The following HS3ST4 variants were observed in gnomAD, a reference collection of about 807,000 sequenced individuals.
HS3ST4 encodes the protein heparan sulfate glucosamine 3-O-sulfotransferase 4.
A neutral mutation model predicts 29.2 loss-of-function variants in HS3ST4; 17 were observed. The ratio of observed to expected loss-of-function variants is 0.58; its 90% CI spans 0.40 to 0.87. The LOEUF (loss-of-function observed/expected upper bound fraction) is 0.87, where lower values mean the gene tolerates loss of function less well. HS3ST4 is among the 40% of genes least tolerant of loss of function. The probability of loss-of-function intolerance (pLI) is 0.00; values close to 1 mark genes in which losing one functional copy is unlikely to be tolerated. For synonymous variants in HS3ST4, 314 were observed against 285.7 expected (o/e 1.10, Z -1.00); for missense variants, 627 against 634.5 (o/e 0.99, Z 0.13).
At chr16:25,878,985 C>T (rs960033217) in intron 1 of HS3ST4, among the ~76,000 whole-genome samples, 6 of 152,204 alleles carry the variant, frequency 3.9e-5, no homozygotes, top group African/African-American at 1.4e-4. Context: ...GTTTCCTATG[C>T]CTCTTTCTCA....
chr16:26,069,243 C>A (rs1398896714), intron 1 of HS3ST4, among the ~76,000 whole-genome samples: 1 of 152,246 alleles, frequency 6.6e-6, no homozygotes, highest in African/African-American at 2.4e-5. Context: ...TGAGCCACTG[C>A]ACCCAGCCCA....
chr16:26,030,000 C>T (rs1223123889), intron 1 of HS3ST4, among the ~76,000 whole-genome samples: 3 of 152,338 alleles, frequency 2.0e-5, no homozygotes, highest in East Asian at 1.9e-4. Context: ...CCCCATCGTT[C>T]GCTCTTTGTG....
At chr16:26,040,477 G>A (rs57169856) in intron 1 of HS3ST4, among the ~76,000 whole-genome samples, 2,524 of 151,870 alleles carry the variant, frequency 0.017, 67 homozygotes, top group African/African-American at 0.056. Flanking sequence ...CTAATTTTTT[G>A]TATTTTTAGT....
intron 1 of HS3ST4, among the ~76,000 whole-genome samples, chr16:26,013,708 T>C (rs1201189375): frequency 5.3e-5 from 8 of 152,126 alleles, no homozygotes; most frequent in Admixed American, 5.2e-4. Flanking sequence ...CAAACTACAC[T>C]GTTAAAAAGC....
chr16:25,853,790 A>G (rs140359677), intron 1 of HS3ST4, among the ~76,000 whole-genome samples: 1 of 152,140 alleles, frequency 6.6e-6, no homozygotes, highest in Non-Finnish European at 1.5e-5. Context: ...ATTGATGTTC[A>G]TTAGAAATAT....
chr16:25,733,805 G>C (rs1966588081), intron 1 of HS3ST4, among the ~76,000 whole-genome samples: 1 of 152,138 alleles, frequency 6.6e-6, no homozygotes, highest in African/African-American at 2.4e-5. Flanking sequence ...TGTGAGTTAG[G>C]CTGGATTCTT....
chr16:25,857,896 CTTTCTTCCTTCCTTCCTTCCTTCCTT>C (rs1967591129), intron 1 of HS3ST4, among the ~76,000 whole-genome samples: 2 of 58,870 alleles, frequency 3.4e-5, no homozygotes, highest in African/African-American at 1.3e-4. Flanking sequence ...CTTTCTTTTT[CTTTCTTCCTTCCTTCCTTCCTTCCTT>C]TCTTTCTTTC....
At chr16:25,709,490 C>T (rs1169895488) in intron 1 of HS3ST4, among the ~76,000 whole-genome samples, 2 of 152,116 alleles carry the variant, frequency 1.3e-5, no homozygotes, top group African/African-American at 4.8e-5. Context: ...CTAGACACTC[C>T]TCTGTTCAAA....
intron 1 of HS3ST4, among the ~76,000 whole-genome samples, chr16:25,889,678 A>G (rs945719297): frequency 1.4e-4 from 22 of 152,072 alleles, no homozygotes; most frequent in African/African-American, 5.1e-4. Flanking sequence ...AACATTAGTA[A>G]TGGTCATTTT....
At chr16:25,956,165 T>C (rs2141699439) in intron 1 of HS3ST4, among the ~76,000 whole-genome samples, 1 of 152,302 alleles carries the variant, frequency 6.6e-6, no homozygotes, top group South Asian at 2.1e-4. Flanking sequence ...TAAATTCACC[T>C]GAAATTTAGA....
chr16:25,789,663 C>T (rs1196325161), intron 1 of HS3ST4, among the ~76,000 whole-genome samples: 1 of 151,960 alleles, frequency 6.6e-6, no homozygotes, highest in African/African-American at 2.4e-5. Flanking sequence ...GATGAATTAT[C>T]ACAAAGGGAA....
At chr16:26,108,165 C>A (rs1343223453) in intron 1 of HS3ST4, among the ~76,000 whole-genome samples, 9 of 152,114 alleles carry the variant, frequency 5.9e-5, no homozygotes, top group Non-Finnish European at 1.2e-4. Context: ...TATGGTATCA[C>A]ACTGTGGTTT....
intron 1 of HS3ST4, among the ~76,000 whole-genome samples, chr16:25,722,040 G>A (rs547455878): frequency 2.6e-5 from 4 of 152,130 alleles, no homozygotes; most frequent in Admixed American, 1.3e-4. Context: ...AGAAGATTTC[G>A]ATCCTTTGTT....
chr16:26,075,141 C>T (rs559840785), intron 1 of HS3ST4, among the ~76,000 whole-genome samples: 3 of 152,224 alleles, frequency 2.0e-5, no homozygotes, highest in East Asian at 1.9e-4. Flanking sequence ...TGCAGTGAGC[C>T]GAGGTGGTGC....
Position 25,721,609 on chromosome 16 carries a change from C to T in HS3ST4, c.734+28458C>T, listed in dbSNP as rs1043897983. ...CACACTGAAAATGAAAGCCCGTCAGCGTATTTATGCACAGACAGTTCTTGA... is the reference window on the plus strand; with the variant it reads ...CACACTGAAAATGAAAGCCCGTCAGTGTATTTATGCACAGACAGTTCTTGA... On this transcript the variant is annotated intron_variant, in intron 1 of 1. Transcript: ENST00000331351. 3.3e-5 allele frequency among the ~76,000 whole-genome samples: 5 copies of T among 152,116 alleles called. No homozygotes were observed. In the East Asian group the frequency reaches 5.8e-4, roughly 18 times the overall value.
chr16:26,054,545 G>A (rs1199111495), intron 1 of HS3ST4, among the ~76,000 whole-genome samples: 1 of 152,210 alleles, frequency 6.6e-6, no homozygotes, highest in African/African-American at 2.4e-5. Context: ...CAAGTTGGAA[G>A]TTTTTGAGAA....
At chr16:25,889,640 A>T (rs1967987860) in intron 1 of HS3ST4, among the ~76,000 whole-genome samples, 1 of 152,170 alleles carries the variant, frequency 6.6e-6, no homozygotes, top group Non-Finnish European at 1.5e-5. Flanking sequence ...TCTGTTTAGC[A>T]AGGACCCACG....
At chr16:25,790,239 C>A (rs142263053) in intron 1 of HS3ST4, among the ~76,000 whole-genome samples, 1 of 152,118 alleles carries the variant, frequency 6.6e-6, no homozygotes, top group Non-Finnish European at 1.5e-5. Flanking sequence ...GGTGAAACCC[C>A]GTCTCTACAA....
intron 1 of HS3ST4, among the ~76,000 whole-genome samples, chr16:25,738,713 T>C (rs1199907927): frequency 6.6e-6 from 1 of 152,178 alleles, no homozygotes; most frequent in Non-Finnish European, 1.5e-5. Context: ...TTATTCACCG[T>C]GTGGATGACG....
Sources: allele counts gnomAD v4.1 joint callset (sites outside exome capture counted in the v4.1 genomes callset), GRCh38; gene constraint gnomAD v4.1.1; transcripts MANE v1.5; gene names NCBI Gene and HGNC (gene_info 2026-07-23, HGNC 2026-07-21).